Variants in DIS3L2 observed in about 807,000 individuals in gnomAD.
DIS3L2 encodes the protein DIS3 like 3'-5' exoribonuclease 2, also known as DIS3-like exonuclease 2.
Under a neutral mutation model 97.5 loss-of-function variants are expected in DIS3L2, and 34 were observed. The ratio of observed to expected loss-of-function variants is 0.35; its 90% CI spans 0.27 to 0.46. DIS3L2 has a LOEUF of 0.46. Among genes scored for constraint, DIS3L2 ranks in the 20% least tolerant of loss-of-function variants. DIS3L2 has a pLI of 1.00. For missense variants in DIS3L2, 1,038 were observed against 1,146.0 expected (o/e 0.91, Z 1.36); for synonymous variants, 435 against 445.2 (o/e 0.98, Z 0.29).
chr2:232,048,329 C>T (rs1050055985), intron 5 of DIS3L2, among the ~76,000 whole-genome samples: 1 of 152,106 alleles, frequency 6.6e-6, no homozygotes, highest in Non-Finnish European at 1.5e-5. Context: ...CAAAATGGAG[C>T]CCCTCTATCT....
intron 9 of DIS3L2, among the ~76,000 whole-genome samples, chr2:232,192,666 G>A (rs1691646371): frequency 6.6e-6 from 1 of 152,226 alleles, no homozygotes; most frequent in South Asian, 2.1e-4. Flanking sequence ...CCAGGGGACA[G>A]TGTGGAAGTG....
At chr2:232,118,012 C>T (rs1697779064) in intron 6 of DIS3L2, among the ~76,000 whole-genome samples, 1 of 152,176 alleles carries the variant, frequency 6.6e-6, no homozygotes, top group Non-Finnish European at 1.5e-5. Flanking sequence ...TTTCTGAAGG[C>T]AGACTGGGGA....
At chr2:232,043,381 A>G (rs867966564) in intron 5 of DIS3L2, among the ~76,000 whole-genome samples, 44 of 152,310 alleles carry the variant, frequency 2.9e-4, no homozygotes, top group African/African-American at 9.6e-4. Flanking sequence ...CCCAACCACA[A>G]GAGGACCAGG....
chr2:232,070,188 T>C (rs955581129), intron 5 of DIS3L2, among the ~76,000 whole-genome samples: 20 of 152,266 alleles, frequency 1.3e-4, no homozygotes, highest in Middle Eastern at 3.4e-3. Context: ...AGAAATTCTT[T>C]CGTAGGGGCG....
chr2:232,064,184 A>G (rs1344300176), intron 5 of DIS3L2, among the ~76,000 whole-genome samples: 1 of 152,196 alleles, frequency 6.6e-6, no homozygotes, highest in Non-Finnish European at 1.5e-5. Context: ...ATAGAAAAGC[A>G]TTCTTTACTC....
intron 9 of DIS3L2, among the ~76,000 whole-genome samples, chr2:232,186,333 A>C (rs1036640463): frequency 6.6e-6 from 1 of 152,256 alleles, no homozygotes; most frequent in Admixed American, 6.5e-5. Flanking sequence ...GTCAAAGACT[A>C]CGAACTTTCA....
rs950992986 is a variant in DIS3L2, at chr2:232,072,884, A to C, written c.367-14603A>C. On this transcript the variant is annotated intron_variant, in intron 5 of 20. Transcript: ENST00000325385. The stretch of plus-strand genomic sequence containing the variant: ...GGGAAGGAAGTCGAATGATTGATTG[A>C]TAAGGACTGCACAGGGATTTTGGGC... Among the ~76,000 whole-genome samples, 5 of 151,630 alleles carry C rather than the reference A, an allele frequency of 3.3e-5. No homozygotes were observed. In the East Asian group the frequency reaches 7.9e-4, roughly 24 times the overall value.
intron 1 of DIS3L2, among the ~76,000 whole-genome samples, chr2:231,971,506 G>A (rs1692909263): frequency 6.6e-6 from 1 of 151,890 alleles, no homozygotes; most frequent in African/African-American, 2.4e-5. Context: ...GGAGTGCAGT[G>A]GCGCCATCTC....
chr2:232,331,348 C>T (rs1018682623), intron 16 of DIS3L2, among the ~76,000 whole-genome samples: 1 of 152,172 alleles, frequency 6.6e-6, no homozygotes, highest in East Asian at 1.9e-4. Flanking sequence ...AGAGGACCCT[C>T]GGGTCAGCGG....
At chr2:232,002,143 C>G (rs932917967) in intron 1 of DIS3L2, among the ~76,000 whole-genome samples, 2 of 152,190 alleles carry the variant, frequency 1.3e-5, no homozygotes, top group Non-Finnish European at 2.9e-5. Flanking sequence ...CCTTTCCCCA[C>G]TACGTATTCT....
chr2:232,267,786 GC>G (rs1487522170), intron 13 of DIS3L2, among the ~76,000 whole-genome samples: 1 of 152,220 alleles, frequency 6.6e-6, no homozygotes, highest in Admixed American at 6.5e-5. Flanking sequence ...GGGACACGAA[GC>G]CTGTTCTCAG....
chr2:232,011,017 G>C (rs1283909111), intron 1 of DIS3L2, among the ~76,000 whole-genome samples: 1 of 152,204 alleles, frequency 6.6e-6, no homozygotes, highest in East Asian at 1.9e-4. Context: ...GCCTTCTTCA[G>C]ATTTGCCCTT....
chr2:232,197,442 G>A (rs1009025924), intron 9 of DIS3L2, among the ~76,000 whole-genome samples: 18 of 152,000 alleles, frequency 1.2e-4, no homozygotes, highest in African/African-American at 4.4e-4. Context: ...GAAAGTACTT[G>A]GTACTTGACT....
At chr2:232,240,808 A>G (rs1693059677) in intron 11 of DIS3L2, among the ~76,000 whole-genome samples, 1 of 152,230 alleles carries the variant, frequency 6.6e-6, no homozygotes, top group Admixed American at 6.5e-5. Context: ...CCCCATGGCC[A>G]TGAAGCCACG....
At position 231,996,858 on chromosome 2, in the gene DIS3L2, ACTGT is replaced by A. The variant is rs1693746434; in HGVS notation, c.-93-17970_-93-17967del. 2.0e-5 allele frequency among the ~76,000 whole-genome samples: 3 copies of A among 152,316 alleles called. No homozygotes were observed. In the East Asian group the frequency reaches 5.8e-4, roughly 29 times the overall value. On this transcript the variant is annotated intron_variant, in intron 1 of 20. Coordinates refer to ENST00000325385, the MANE Select transcript of DIS3L2 (RefSeq NM_152383.5). ...CCTTTTCTGTCTTTATACTTGTCAT[ACTGT>A]CTGTCTAGAAGGCTCTAGTCTGTGA...
chr2:232,215,129 A>G (rs2106223864), intron 10 of DIS3L2, among the ~76,000 whole-genome samples: 1 of 152,306 alleles, frequency 6.6e-6, no homozygotes, highest in Non-Finnish European at 1.5e-5. Context: ...AAACATATCC[A>G]CTTATCCTTG....
chr2:232,225,448 G>C (rs1282007068), intron 10 of DIS3L2, among the ~76,000 whole-genome samples: 1 of 152,106 alleles, frequency 6.6e-6, no homozygotes, highest in Non-Finnish European at 1.5e-5. Flanking sequence ...GCTGTGTTGA[G>C]CAAAATAAGC....
chr2:232,337,603 C>T (rs998780382), downstream of DIS3L2, among the ~76,000 whole-genome samples: 10 of 152,138 alleles, frequency 6.6e-5, no homozygotes, highest in Non-Finnish European at 1.5e-4. Context: ...GCCTGTACTC[C>T]TTCCCCCTCC....
chr2:232,195,272 A>G (rs937032016), intron 9 of DIS3L2, among the ~76,000 whole-genome samples: 4 of 152,192 alleles, frequency 2.6e-5, no homozygotes, highest in African/African-American at 9.6e-5. Flanking sequence ...GTAACAGCCC[A>G]ATGGGTTCTT....
Sources: gnomAD v4.1 joint callset for allele counts (sites outside exome capture counted in the v4.1 genomes callset) on GRCh38, gnomAD v4.1.1 for gene constraint, MANE v1.5 for transcripts, NCBI Gene and HGNC (gene_info 2026-07-23, HGNC 2026-07-21) for gene names.